The following LAMB4 variants were observed in gnomAD, a reference collection of about 807,000 sequenced individuals.
LAMB4 encodes the protein laminin subunit beta 4.
In LAMB4, 196 loss-of-function variants were observed where a neutral mutation model predicts 199.2. That is an observed-to-expected ratio of 0.98 (90% confidence interval 0.88 to 1.11). The LOEUF (loss-of-function observed/expected upper bound fraction) is 1.11. Among genes scored for constraint, LAMB4 ranks in the 50% least tolerant of loss-of-function variants. LAMB4 has a pLI of 0.00. For synonymous variants in LAMB4, 744 were observed against 770.6 expected (o/e 0.97, Z 0.57); for missense variants, 2,080 against 2,171.2 (o/e 0.96, Z 0.83).
intron 27 of LAMB4, 47 bp from the exon 28 acceptor site, chr7:108,048,158 CTTTTTTTTTTTT>C (rs747991620): frequency 6.5e-6 from 3 of 462,522 alleles, no homozygotes; most frequent in South Asian, 2.3e-5. Context: ...GTTGTCAGAG[CTTTTTTTTTTTT>C]TTTTTTTTTT....
At chr7:108,077,952 T>C (rs2036768301) in intron 16 of LAMB4, among the ~76,000 whole-genome samples, 1 of 152,212 alleles carries the variant, frequency 6.6e-6, no homozygotes, top group African/African-American at 2.4e-5. Context: ...TTTCAGTAAG[T>C]CTTTTAAGTA....
At chr7:108,020,659 C>T (rs574257398), downstream of LAMB4, among the ~76,000 whole-genome samples, 4 of 152,068 alleles carry the variant, frequency 2.6e-5, no homozygotes, top group South Asian at 4.2e-4. Flanking sequence ...CTGATGGAAC[C>T]TCCTATAGGC....
chr7:108,055,360 T>C (rs147842460), intron 25 of LAMB4, among the ~76,000 whole-genome samples: 359 of 152,242 alleles, frequency 2.4e-3, no homozygotes, highest in African/African-American at 8.3e-3. Flanking sequence ...CTAATATTTG[T>C]ATTTTTAGTA....
intron 12 of LAMB4, 106 bp downstream of exon 12, chr7:108,095,122 A>G: frequency 2.6e-6 from 2 of 773,648 alleles, no homozygotes; most frequent in Non-Finnish European, 4.3e-6. Context: ...GGAGTATTAA[A>G]ACACAATAGG....
In LAMB4 at chr7:108,025,411, TTCTTTC is replaced by T. The variant is rs1313606024; in HGVS notation, c.5147-1239_5147-1234del. ...TTCTTTTCTTTCTTTCTTTCTTTCT[TTCTTTC>T]TTCTTTCTTTCTTTCTTTTTTTTTT... On this transcript the variant is annotated intron_variant, in intron 33 of 33. Transcript: ENST00000388781. Among the ~76,000 whole-genome samples, 27 of 133,838 alleles carry T rather than the reference TTCTTTC, an allele frequency of 2.0e-4. 1 individual carries two copies. The highest frequency in any genetic ancestry group is 9.6e-4 in the African/African-American group (24 of 25,092). 87.8% of individuals were successfully genotyped at this position (133,838 alleles called of 152,430 possible).
At chr7:108,089,358 A>G (rs1230787777) in intron 14 of LAMB4, among the ~76,000 whole-genome samples, 1 of 152,156 alleles carries the variant, frequency 6.6e-6, no homozygotes, top group Non-Finnish European at 1.5e-5. Context: ...GTTCTTCTCT[A>G]TTTACACTCC....
chr7:108,030,660 T>A, intron 32 of LAMB4, 146 bp downstream of exon 32: 1 of 737,798 alleles, frequency 1.4e-6, no homozygotes, highest in Non-Finnish European at 2.2e-6. Context: ...CCTTTGTGCA[T>A]CAGGATCCCC....
At chr7:108,063,614 G>T in intron 22 of LAMB4, 147 bp downstream of exon 22, 1 of 725,692 alleles carries the variant, frequency 1.4e-6, no homozygotes. Context: ...CTGTTGATGA[G>T]TTCCGTACAA....
In LAMB4 at chr7:108,065,748, A is replaced by G. The variant is rs778312584; in HGVS notation, c.2836+14T>C. The G allele has an allele frequency of 1.2e-6, 2 of 1,607,612 alleles. No individual in the cohort carries two copies. The highest frequency in any genetic ancestry group is 1.7e-6 in the Non-Finnish European group (2 of 1,175,688). The stretch of plus-strand genomic sequence containing the variant: ...ATAAAGAGAAAAAATTGCATCAAGC[A>G]CTATACTGCATACCCGTATAACCTT... On this transcript the variant is annotated intron_variant, in intron 21 of 33. Coordinates refer to ENST00000388781, the MANE Select transcript of LAMB4 (RefSeq NM_007356.3).
Position 108,092,386 on chromosome 7 carries a change from G to A in LAMB4, c.1501C>T (p.His501Tyr). 6.2e-7 allele frequency: 1 copy of A among 1,613,998 alleles called. No homozygotes were observed. The highest frequency in any genetic ancestry group is 1.3e-5 in the African/African-American group (1 of 75,030). Residue 501 changes from histidine to tyrosine, a missense_variant, in exon 13 of 34, where the codon CAT (histidine) becomes TAT (tyrosine). Coordinates refer to ENST00000388781, the MANE Select transcript of LAMB4 (RefSeq NM_007356.3). Reference protein sequence around the residue: ...VGYWGLGNHLHGCSPCDCDIG... With the variant: ...VGYWGLGNHLYGCSPCDCDIG... ...TCACAGTCACAGGGAGAACACCCAT[G>A]GAGATGATTTCCCAGGCCCCAGTAT...
At chr7:108,048,162 T>A in intron 27 of LAMB4, 51 bp from the exon 28 acceptor site, 2 of 1,067,804 alleles carry the variant, frequency 1.9e-6, no homozygotes, top group Non-Finnish European at 2.6e-6. Context: ...TCAGAGCTTT[T>A]TTTTTTTTTT....
chr7:108,043,721 A>C, intron 29 of LAMB4, 31 bp downstream of exon 29: 2 of 1,447,768 alleles, frequency 1.4e-6, no homozygotes, highest in Non-Finnish European at 1.9e-6. Flanking sequence ...AAAAAAACAA[A>C]AACTAGTCCT....
intron 2 of LAMB4, among the ~76,000 whole-genome samples, chr7:108,119,937 T>C (rs187819099): frequency 1.9e-4 from 29 of 152,244 alleles, no homozygotes; most frequent in African/African-American, 6.7e-4. Flanking sequence ...TTACAATTAT[T>C]TCAAAATAAA....
intron 1 of LAMB4, among the ~76,000 whole-genome samples, chr7:108,124,827 C>A (rs1241765723): frequency 6.6e-6 from 1 of 152,220 alleles, no homozygotes. Context: ...TGCACATGCA[C>A]AGTCCCTGCG....
chr7:108,120,189 T>A (rs926893972), intron 2 of LAMB4, among the ~76,000 whole-genome samples: 2 of 152,186 alleles, frequency 1.3e-5, no homozygotes, highest in Non-Finnish European at 2.9e-5. Context: ...TTTCTCCATT[T>A]AAAAAATATA....
chr7:108,031,369 G>GAAAAAAAAAAAA (rs371230419), intron 31 of LAMB4, among the ~76,000 whole-genome samples: 1 of 81,166 alleles, frequency 1.2e-5, no homozygotes, highest in African/African-American at 4.7e-5. Flanking sequence ...AAAAGGAAAA[G>GAAAAAAAAAAAA]AAAAAAAAAA....
chr7:108,087,764 G>A (rs1484434343), intron 14 of LAMB4, among the ~76,000 whole-genome samples: 7 of 152,176 alleles, frequency 4.6e-5, no homozygotes, highest in African/African-American at 1.7e-4. Flanking sequence ...ACAAGAAATC[G>A]TGAATTCACA....
intron 30 of LAMB4, among the ~76,000 whole-genome samples, chr7:108,035,446 G>A (rs1280416754): frequency 6.6e-6 from 1 of 151,612 alleles, no homozygotes; most frequent in Non-Finnish European, 1.5e-5. Flanking sequence ...GGAGGCTGAG[G>A]CATGAGAATC....
Position 108,078,244 on chromosome 7 carries a change from G to GAGTCAA in LAMB4, c.1959_1960insTTGACT (p.Thr653_Leu654dup). 3 of 1,611,896 alleles carry GAGTCAA rather than the reference G, an allele frequency of 1.9e-6. No individual in the cohort carries two copies. Among genetic ancestry groups the GAGTCAA allele is most frequent in the Non-Finnish European group, 2.5e-6 (3 of 1,179,168 alleles). ...GCAAAAGACTGAGGCTTTGACTGTA[G>GAGTCAA]AGTCTTGGGTATGCAGTGCTCACTC... On this transcript the variant is annotated inframe_insertion, in exon 16 of 34. Coordinates refer to ENST00000388781, the MANE Select transcript of LAMB4 (RefSeq NM_007356.3).
Sources: gnomAD v4.1 joint callset for allele counts (sites outside exome capture counted in the v4.1 genomes callset) on GRCh38, gnomAD v4.1.1 for gene constraint, MANE v1.5 for transcripts, NCBI Gene and HGNC (gene_info 2026-07-23, HGNC 2026-07-21) for gene names.